Variants in BIRC6 observed in about 807,000 individuals in gnomAD.
BIRC6 encodes the protein baculoviral IAP repeat containing 6, also known as dual E2 ubiquitin-conjugating enzyme/E3 ubiquitin-protein ligase BIRC6.
Under a neutral mutation model 503.3 loss-of-function variants are expected in BIRC6, and 98 were observed. The observed-to-expected ratio is 0.19, with a 90% CI of 0.17 to 0.23. The LOEUF (loss-of-function observed/expected upper bound fraction) is 0.23. BIRC6 is among the 10% of genes least tolerant of loss of function. BIRC6 has a pLI of 1.00. For synonymous variants in BIRC6, 2,240 were observed against 2,078.7 expected, an observed-to-expected ratio of 1.08 and a Z score of -2.11; for missense variants, 5,360 against 5,806.0, an observed-to-expected ratio of 0.92 and a Z score of 2.50.
Position 32,481,197 on chromosome 2 carries a change from GA to G in BIRC6, c.7409-122del. ...ATGGAGCGAAATGTTTGCATACATA[GA>G]GTTTTTTTTTTTAGGCATATGTAAC... On this transcript the variant is annotated intron_variant, in intron 37 of 73. Coordinates refer to ENST00000421745, the MANE Select transcript of BIRC6 (RefSeq NM_016252.4). The G allele has an allele frequency of 8.8e-6, 7 of 799,098 alleles. No homozygotes were observed. In the South Asian group the frequency reaches 1.2e-4, roughly 13 times the overall value. The allele number at this position is 799,098 out of a possible 1,614,324, so 49.5% of individuals were successfully genotyped here.
At position 32,499,652 on chromosome 2, in the gene BIRC6, C is replaced by G; in HGVS notation, c.8574C>G (p.Ala2858=). 1.2e-6 allele frequency: 2 copies of G among 1,613,830 alleles called. No homozygotes were observed. The highest frequency in any genetic ancestry group is 1.7e-6 in the Non-Finnish European group (2 of 1,179,834). ...TCGTTTCAGTTAGTACTATTTCTGC[C>G]GTGATAGAATCGGTTACATTTTTAG... is the stretch of plus-strand genomic sequence containing the variant. ...FEVVSVSTIS[A]VIESVTFLVH... is the part of the protein sequence containing the mutation. The change falls in exon 46 of 74, where the codon GCC becomes GCG. Residue 2858 remains alanine (A), a synonymous_variant. Coordinates refer to ENST00000421745, the MANE Select transcript of BIRC6 (RefSeq NM_016252.4).
intron 1 of BIRC6, among the ~76,000 whole-genome samples, chr2:32,362,358 CA>C (rs1270943635): frequency 6.6e-6 from 1 of 150,936 alleles, no homozygotes; most frequent in African/African-American, 2.4e-5. Flanking sequence ...CTCTGTCGCC[CA>C]GGCTGGAGTG....
chr2:32,445,991 G>GGGA (rs1312370759), intron 21 of BIRC6, among the ~76,000 whole-genome samples: 1 of 152,016 alleles, frequency 6.6e-6, no homozygotes, highest in Admixed American at 6.5e-5. Flanking sequence ...CCGAGTAGCT[G>GGGA]GGATTACAGG....
chr2:32,438,960 A>T (rs552841010), intron 15 of BIRC6, among the ~76,000 whole-genome samples: 1 of 152,200 alleles, frequency 6.6e-6, no homozygotes, highest in African/African-American at 2.4e-5. Context: ...AAACTGAGCC[A>T]CAGAGAGGAT....
chr2:32,537,572 C>T (rs768519421), intron 61 of BIRC6, among the ~76,000 whole-genome samples: 1 of 152,248 alleles, frequency 6.6e-6, no homozygotes, highest in Non-Finnish European at 1.5e-5. Context: ...TCACCCACCT[C>T]GCCCATCGCC....
chr2:32,507,729 CT>C (rs908501074), intron 50 of BIRC6, among the ~76,000 whole-genome samples: 3 of 152,068 alleles, frequency 2.0e-5, no homozygotes, highest in Admixed American at 6.6e-5. Context: ...TTTGGTTCCT[CT>C]TTTTTTAGGT....
intron 61 of BIRC6, among the ~76,000 whole-genome samples, chr2:32,532,826 C>T (rs1228140815): frequency 6.6e-6 from 1 of 152,092 alleles, no homozygotes; most frequent in Non-Finnish European, 1.5e-5. Flanking sequence ...TATTGCTCAA[C>T]ATAAATGATT....
At chr2:32,613,996 T>C (rs2063067670) in intron 73 of BIRC6, among the ~76,000 whole-genome samples, 1 of 152,212 alleles carries the variant, frequency 6.6e-6, no homozygotes, top group African/African-American at 2.4e-5. Context: ...TAGCTTTCTC[T>C]TGAGTTGTAT....
At chr2:32,403,009 G>A (rs1470610305) in intron 8 of BIRC6, among the ~76,000 whole-genome samples, 1 of 152,214 alleles carries the variant, frequency 6.6e-6, no homozygotes, top group Non-Finnish European at 1.5e-5. Context: ...ATGTGCTTGA[G>A]TTGAGGTAAT....
In BIRC6 at chr2:32,547,948, G is replaced by A; in HGVS notation, c.12909G>A (p.Gly4303=). The A allele has an allele frequency of 6.2e-7, 1 of 1,613,814 alleles. No individual in the cohort carries two copies. Among genetic ancestry groups the A allele is most frequent in the Non-Finnish European group, 8.5e-7 (1 of 1,179,802 alleles). Residue 4303 remains glycine, a synonymous_variant, in exon 64 of 74, where the codon GGG becomes GGA. Coordinates refer to ENST00000421745, the MANE Select transcript of BIRC6 (RefSeq NM_016252.4). ...TTGGAACAGGCTCTACAGCTTCTGG[G>A]TGGGATGTGGAACAAGCCTTAACTA... ...TGFGTGSTAS[G]WDVEQALTKQ...
chr2:32,468,315 G>A, intron 28 of BIRC6, 122 bp from the exon 29 acceptor site: 1 of 984,208 alleles, frequency 1.0e-6, no homozygotes, highest in South Asian at 1.8e-5. Flanking sequence ...TACCTATCAA[G>A]TGGGTAATTC....
chr2:32,545,037 C>A (rs1187110059), intron 62 of BIRC6, among the ~76,000 whole-genome samples: 2 of 151,602 alleles, frequency 1.3e-5, no homozygotes, highest in Non-Finnish European at 2.9e-5. Flanking sequence ...GTAGGTGTAA[C>A]CCTAAACAGA....
rs545754750 is a variant in BIRC6 at position 32,382,599 on chromosome 2, A to G, written c.645+2309A>G. 9.2e-4 allele frequency among the ~76,000 whole-genome samples: 140 copies of G among 152,358 alleles called. 2 individuals carry two copies. The highest frequency in any genetic ancestry group is 3.2e-3 in the African/African-American group (132 of 41,580). On this transcript the variant is annotated intron_variant, in intron 3 of 73. Transcript: ENST00000421745. ...CTGATAGAGCAGAGAATTAAAGGGTAGATTTGGAGCTCAGAGACAACAGTT... is the reference window on the plus strand; with the variant it reads ...CTGATAGAGCAGAGAATTAAAGGGTGGATTTGGAGCTCAGAGACAACAGTT...
chr2:32,481,221 A>G lies in BIRC6; in HGVS notation c.7409-99A>G, dbSNP rs983863427. On this transcript the variant is annotated intron_variant, in intron 37 of 73. Transcript: ENST00000421745. ...AGAGTTTTTTTTTTTAGGCATATGT[A>G]ACATGCAAGTAAAATAACTTTTTTT... The G allele has an allele frequency of 1.7e-5, 18 of 1,081,164 alleles. No individual in the cohort carries two copies. The African/African-American group carries it at 2.9e-4, about 18-fold the overall frequency. 67.0% of individuals were successfully genotyped at this position (1,081,164 alleles called of 1,614,324 possible). A position where few individuals can be genotyped will look rare whatever the true frequency, so the allele number is the denominator to read the frequency against.
intron 66 of BIRC6, chr2:32,590,755 A>G: frequency 1.0e-6 from 1 of 976,790 alleles, no homozygotes; most frequent in Non-Finnish European, 1.2e-6. Flanking sequence ...ATGTTTGCAG[A>G]TAATTCTGTG....
In BIRC6 at chr2:32,476,283, A is replaced by T; in HGVS notation, c.6791A>T (p.Asn2264Ile). The change falls in exon 34 of 74, where the codon AAC (asparagine) becomes ATC (isoleucine). Residue 2264 changes from asparagine (N) to isoleucine (I), a missense_variant. Around this residue, in one of 16 missense-constraint regions of BIRC6, gnomAD observed 2,299 missense variants for 2,267.2 expected, o/e 1.01. Coordinates refer to ENST00000421745, the MANE Select transcript of BIRC6 (RefSeq NM_016252.4). ...EQMEKEKIQS[N>I]KGSSYKLLVE... ...ATGGAAAAAGAAAAAATACAAAGTAACAAAGGATCATCATATAAACTCCTG... is the reference window on the plus strand; with the variant it reads ...ATGGAAAAAGAAAAAATACAAAGTATCAAAGGATCATCATATAAACTCCTG... 1 of 1,565,554 alleles carries T rather than the reference A, an allele frequency of 6.4e-7. No homozygotes were observed. The highest frequency in any genetic ancestry group is 1.2e-5 in the South Asian group (1 of 84,886).
chr2:32,391,484 A>G (rs1047640474), intron 4 of BIRC6, among the ~76,000 whole-genome samples: 3 of 152,224 alleles, frequency 2.0e-5, no homozygotes, highest in African/African-American at 7.2e-5. Context: ...CTATTTGTTT[A>G]AAAACCTGAA....
intron 59 of BIRC6, chr2:32,528,096 A>G (rs1439065411): frequency 2.0e-5 from 3 of 152,316 alleles, no homozygotes; most frequent in African/African-American, 7.2e-5. Flanking sequence ...CGTAGGATCC[A>G]CTTCCTGGTC....
chr2:32,561,523 AG>A (rs1311929670), intron 65 of BIRC6, among the ~76,000 whole-genome samples: 1 of 151,954 alleles, frequency 6.6e-6, no homozygotes, highest in Non-Finnish European at 1.5e-5. Context: ...TACAGGCATG[AG>A]CCACTGTGCC....
Sources: allele counts gnomAD v4.1 joint callset (sites outside exome capture counted in the v4.1 genomes callset), GRCh38; gene constraint gnomAD v4.1.1; regional missense constraint gnomAD v4.1.1; transcripts MANE v1.5; gene names NCBI Gene and HGNC (gene_info 2026-07-23, HGNC 2026-07-21).